Variants in SPAG16 observed in about 807,000 individuals in gnomAD.
SPAG16 encodes the protein sperm-associated antigen 16 protein.
SPAG16 carries 86 observed loss-of-function variants against 80.4 expected under a neutral mutation model. That is an observed-to-expected ratio of 1.07 (90% CI 0.90 to 1.28). SPAG16 has a LOEUF of 1.28. SPAG16 is among the 50% of genes most tolerant of loss of function. The pLI is 0.00. For synonymous variants in SPAG16, 294 were observed against 265.9 expected, an observed-to-expected ratio of 1.11 and a Z score of -1.03; for missense variants, 870 against 765.3, an observed-to-expected ratio of 1.14 and a Z score of -1.61.
intron 12 of SPAG16, among the ~76,000 whole-genome samples, chr2:213,993,834 A>G (rs1224855330): frequency 2.0e-5 from 3 of 152,198 alleles, no homozygotes; most frequent in East Asian, 3.8e-4. Context: ...TTAAAATGTA[A>G]AGACATGATA....
intron 9 of SPAG16, among the ~76,000 whole-genome samples, chr2:213,481,921 A>G (rs1310424302): frequency 6.6e-6 from 1 of 152,230 alleles, no homozygotes; most frequent in East Asian, 1.9e-4. Context: ...AAATGAAGGA[A>G]GCATCAGAAC....
chr2:213,904,517 G>A (rs1396219977), intron 11 of SPAG16, among the ~76,000 whole-genome samples: 1 of 150,184 alleles, frequency 6.7e-6, no homozygotes, highest in Non-Finnish European at 1.5e-5. Context: ...CACAACATGT[G>A]GGAATTATGG....
In SPAG16 at chr2:213,488,847, C is replaced by T. The variant is rs752801966; in HGVS notation, c.943-1116C>T. 9.5e-5 allele frequency among the ~76,000 whole-genome samples: 14 copies of T among 148,134 alleles called. 1 individual carries two copies. Among genetic ancestry groups the T allele is most frequent in the East Asian group, 5.8e-4 (3 of 5,156 alleles). ...ATCCCACCACTTTGGGAGGCCAAGG[C>T]GGGAGGATCACCTGAGGTAGGGAGT... On this transcript the variant is annotated intron_variant, in intron 9 of 15. Coordinates refer to ENST00000331683, the MANE Select transcript of SPAG16 (RefSeq NM_024532.5).
At chr2:213,811,917 C>T (rs546446276) in intron 10 of SPAG16, among the ~76,000 whole-genome samples, 2 of 152,052 alleles carry the variant, frequency 1.3e-5, no homozygotes, top group African/African-American at 2.4e-5. Context: ...CAGCTGCAGG[C>T]GACCTGAGGG....
At chr2:213,680,885 C>T (rs866957749) in intron 10 of SPAG16, among the ~76,000 whole-genome samples, 1 of 152,108 alleles carries the variant, frequency 6.6e-6, no homozygotes, top group Non-Finnish European at 1.5e-5. Flanking sequence ...AGTTGGGGGT[C>T]TTCCAGGCTA....
chr2:213,342,310 A>G (rs977962541), intron 6 of SPAG16, among the ~76,000 whole-genome samples: 2 of 145,798 alleles, frequency 1.4e-5, no homozygotes, highest in South Asian at 4.2e-4. Context: ...ATATGTGTAT[A>G]TATATGTTAC....
intron 10 of SPAG16, among the ~76,000 whole-genome samples, chr2:213,623,587 T>C (rs1301078082): frequency 3.3e-5 from 5 of 152,160 alleles, no homozygotes; most frequent in African/African-American, 1.2e-4. Flanking sequence ...CTATTTTTAA[T>C]GGATGATGTG....
At chr2:213,945,174 A>G (rs1239841962) in intron 12 of SPAG16, among the ~76,000 whole-genome samples, 1 of 150,952 alleles carries the variant, frequency 6.6e-6, no homozygotes, top group Non-Finnish European at 1.5e-5. Context: ...GTGTGTGTAT[A>G]TATATGTATA....
chr2:214,193,426 TGAGAGAGA>T lies in SPAG16; in HGVS notation c.1720+44189_1720+44196del, dbSNP rs55774604. ...GTGTGTGTGTGTGTGTGTGTGTGTA[TGAGAGAGA>T]GAGAGAGAGAGAGAGAGAGAGAGAG... is the stretch of plus-strand genomic sequence containing the variant. On this transcript the variant is annotated intron_variant, in intron 15 of 15. Coordinates refer to ENST00000331683, the MANE Select transcript of SPAG16 (RefSeq NM_024532.5). Among the ~76,000 whole-genome samples, 131 of 136,590 alleles carry T rather than the reference TGAGAGAGA, an allele frequency of 9.6e-4. 1 individual carries two copies. The highest frequency in any genetic ancestry group is 4.8e-3 in the South Asian group (20 of 4,182). 89.6% of individuals were successfully genotyped at this position (136,590 alleles called of 152,430 possible). A position where few individuals can be genotyped will look rare whatever the true frequency, so the allele number is the denominator to read the frequency against.
At chr2:213,719,379 ACT>A (rs2066406549) in intron 10 of SPAG16, among the ~76,000 whole-genome samples, 1 of 152,094 alleles carries the variant, frequency 6.6e-6, no homozygotes, top group Non-Finnish European at 1.5e-5. Context: ...ACCAATCGAC[ACT>A]CTGTATCTAG....
At chr2:213,944,102 C>G (rs2079335252) in intron 12 of SPAG16, among the ~76,000 whole-genome samples, 1 of 152,180 alleles carries the variant, frequency 6.6e-6, no homozygotes, top group South Asian at 2.1e-4. Context: ...GACAGGGCTG[C>G]CTCCATCTCA....
intron 10 of SPAG16, among the ~76,000 whole-genome samples, chr2:213,619,784 C>T (rs1336272388): frequency 6.6e-6 from 1 of 152,116 alleles, no homozygotes; most frequent in Non-Finnish European, 1.5e-5. Flanking sequence ...ATAAAACTCC[C>T]ATATGATCCA....
intron 5 of SPAG16, among the ~76,000 whole-genome samples, chr2:213,338,674 AT>A (rs2064511497): frequency 2.6e-5 from 4 of 152,242 alleles, no homozygotes; most frequent in Admixed American, 1.3e-4. Flanking sequence ...ATGAAATACT[AT>A]GCAGCCATAA....
intron 10 of SPAG16, among the ~76,000 whole-genome samples, chr2:213,742,590 T>G (rs1388296933): frequency 1.3e-5 from 2 of 151,046 alleles, no homozygotes; most frequent in East Asian, 3.9e-4. Flanking sequence ...TTCGGTCTTG[T>G]CGCCCAGGCT....
chr2:213,395,376 A>T (rs574907286), intron 9 of SPAG16, among the ~76,000 whole-genome samples: 1 of 152,246 alleles, frequency 6.6e-6, no homozygotes. Flanking sequence ...TTTTCCTCTC[A>T]GCATTGTTTT....
At chr2:213,359,273 C>T (rs538034085) in intron 7 of SPAG16, among the ~76,000 whole-genome samples, 19 of 152,280 alleles carry the variant, frequency 1.2e-4, no homozygotes, top group Admixed American at 9.8e-4. Context: ...TCTCAGAGCT[C>T]GAATGCCATG....
At chr2:214,175,104 G>T (rs1050693790) in intron 15 of SPAG16, among the ~76,000 whole-genome samples, 1 of 151,068 alleles carries the variant, frequency 6.6e-6, no homozygotes, top group African/African-American at 2.4e-5. Context: ...AATTGATTCT[G>T]CTATCTCTCC....
At chr2:213,779,409 T>C (rs527343545) in intron 10 of SPAG16, among the ~76,000 whole-genome samples, 14 of 152,320 alleles carry the variant, frequency 9.2e-5, no homozygotes, top group African/African-American at 3.1e-4. Context: ...TGTGCTTGCC[T>C]AACAGGATTT....
chr2:214,101,989 A>G (rs1445564666), intron 13 of SPAG16, among the ~76,000 whole-genome samples: 2 of 152,136 alleles, frequency 1.3e-5, no homozygotes, highest in African/African-American at 4.8e-5. Flanking sequence ...ACTACACTGA[A>G]GCAAAGGTGT....
Sources: gnomAD v4.1 joint callset for allele counts (sites outside exome capture counted in the v4.1 genomes callset) on GRCh38, gnomAD v4.1.1 for gene constraint, MANE v1.5 for transcripts, NCBI Gene and HGNC (gene_info 2026-07-23, HGNC 2026-07-21) for gene names.